The following NUP62CL variants were observed in gnomAD, a reference collection of about 807,000 sequenced individuals.
The protein encoded by NUP62CL is nucleoporin-62 C-terminal-like protein.
In NUP62CL, 13 loss-of-function variants were observed where a neutral mutation model predicts 15.3. The observed-to-expected ratio is 0.85, with a 90% confidence interval of 0.55 to 1.35. The LOEUF is 1.35. Ranked by LOEUF, NUP62CL falls within the 40% of genes most tolerant of loss-of-function variation. The pLI, the probability that NUP62CL is intolerant of heterozygous loss-of-function variation, is 0.00. For missense variants in NUP62CL, 123 were observed against 130.6 expected, an observed-to-expected ratio of 0.94 and a Z score of 0.28; for synonymous variants, 54 against 49.2, an observed-to-expected ratio of 1.10 and a Z score of -0.41.
At chrX:107,195,778 T>C (rs1445464701) in intron 1 of NUP62CL, among the ~76,000 whole-genome samples, 1 of 105,457 alleles carries the variant, frequency 9.5e-6, no homozygotes, top group African/African-American at 3.6e-5. Flanking sequence ...AATAAGAGCA[T>C]TTGCTGTGTT....
At chrX:107,129,161 C>CA (rs1925455163) in intron 8 of NUP62CL, among the ~76,000 whole-genome samples, 1 of 111,488 alleles carries the variant, frequency 9.0e-6, no homozygotes, top group East Asian at 2.8e-4. Context: ...AAGGAGACAA[C>CA]AAAAAAACTA....
chrX:107,147,320 C>T lies in NUP62CL; in HGVS notation c.*42+423G>A, dbSNP rs1167867610. ...ATGTTCAAAAGTTATCTGAACTGGG[C>T]GATTGTTATAAATTAGTTATGTAGG... On this transcript the variant is annotated intron_variant, in intron 8 of 8. Coordinates refer to ENST00000372466, the MANE Select transcript of NUP62CL (RefSeq NM_017681.3). 2.7e-5 allele frequency among the ~76,000 whole-genome samples: 3 copies of T among 111,046 alleles called. No homozygotes were observed. The East Asian group carries it at 8.5e-4, about 32-fold the overall frequency.
chrX:107,161,777 TAAA>T (rs1374608408), intron 4 of NUP62CL, among the ~76,000 whole-genome samples: 8 of 94,807 alleles, frequency 8.4e-5, no homozygotes, highest in African/African-American at 2.8e-4. Flanking sequence ...AAGTATAATT[TAAA>T]AAAAATAATA....
intron 1 of NUP62CL, among the ~76,000 whole-genome samples, chrX:107,197,931 T>C (rs1000023506): frequency 8.9e-6 from 1 of 112,392 alleles, no homozygotes; most frequent in African/African-American, 3.2e-5. Flanking sequence ...TCTTCACATA[T>C]ATTACCTTGT....
chrX:107,204,449 A>G (rs1927560376), intron 1 of NUP62CL, among the ~76,000 whole-genome samples: 1 of 111,249 alleles, frequency 9.0e-6, no homozygotes, highest in African/African-American at 3.3e-5. Flanking sequence ...ACCTGGGGAA[A>G]ACAGTTCTTA....
At chrX:107,157,869 G>A (rs1453454272) in intron 4 of NUP62CL, among the ~76,000 whole-genome samples, 3 of 110,698 alleles carry the variant, frequency 2.7e-5, no homozygotes, top group Non-Finnish European at 5.7e-5. Context: ...TCAGTGTGCT[G>A]TATTCAGGAG....
At chrX:107,176,020 A>G (rs1926773683) in intron 2 of NUP62CL, among the ~76,000 whole-genome samples, 1 of 111,529 alleles carries the variant, frequency 9.0e-6, no homozygotes, top group Non-Finnish European at 1.9e-5. Flanking sequence ...ACACCTGAAG[A>G]GGTAAGCAAG....
At chrX:107,189,868 A>AGG (rs752719530) in intron 2 of NUP62CL, among the ~76,000 whole-genome samples, 50 of 66,873 alleles carry the variant, frequency 7.5e-4, no homozygotes, top group African/African-American at 1.0e-3. Context: ...GAAGGAAGGA[A>AGG]AAAGAAAGAA....
At chrX:107,176,666 A>C (rs1926794010) in intron 2 of NUP62CL, among the ~76,000 whole-genome samples, 1 of 110,565 alleles carries the variant, frequency 9.0e-6, no homozygotes. Context: ...TACTTAAAAC[A>C]GTGAATTTTA....
chrX:107,142,539 C>T (rs1330989312), intron 8 of NUP62CL, among the ~76,000 whole-genome samples: 1 of 111,765 alleles, frequency 8.9e-6, no homozygotes, highest in Admixed American at 9.5e-5. Context: ...AAGTAAAATG[C>T]CATGAAAATA....
At chrX:107,154,956 C>A (rs1926140038) in intron 4 of NUP62CL, among the ~76,000 whole-genome samples, 1 of 111,976 alleles carries the variant, frequency 8.9e-6, no homozygotes, top group Non-Finnish European at 1.9e-5. Flanking sequence ...CAGAATGAGG[C>A]AGGGTTAGTC....
chrX:107,189,133 T>C (rs1927145122), intron 2 of NUP62CL, among the ~76,000 whole-genome samples: 1 of 111,625 alleles, frequency 9.0e-6, no homozygotes, highest in South Asian at 3.7e-4. Context: ...TCTACAAAAA[T>C]GGCTAAAATA....
At chrX:107,184,333 A>C (rs940642397) in intron 2 of NUP62CL, among the ~76,000 whole-genome samples, 5 of 107,512 alleles carry the variant, frequency 4.7e-5, no homozygotes, top group Non-Finnish European at 7.7e-5. Context: ...GAAAGAAAGA[A>C]AGAAAGAAAG....
intron 8 of NUP62CL, among the ~76,000 whole-genome samples, chrX:107,133,403 C>T (rs1315700081): frequency 1.8e-5 from 2 of 111,012 alleles, no homozygotes; most frequent in Admixed American, 9.5e-5. Context: ...AGCATGACCG[C>T]GGCTTACTAC....
intron 8 of NUP62CL, among the ~76,000 whole-genome samples, chrX:107,143,780 G>C (rs1209184772): frequency 9.0e-6 from 1 of 111,058 alleles, no homozygotes; most frequent in Non-Finnish European, 1.9e-5. Context: ...GAAATAAATG[G>C]ATTCATTGAG....
chrX:107,163,399 A>AC (rs754848707), intron 4 of NUP62CL, among the ~76,000 whole-genome samples: 5 of 110,959 alleles, frequency 4.5e-5, no homozygotes, highest in East Asian at 2.8e-4. Context: ...ACAAGATGAA[A>AC]CCCCCCCAAA....
At chrX:107,158,641 G>C (rs1926276036) in intron 4 of NUP62CL, among the ~76,000 whole-genome samples, 1 of 65,562 alleles carries the variant, frequency 1.5e-5, no homozygotes, top group Non-Finnish European at 2.5e-5. Context: ...TGTGTAGAGG[G>C]AAATTTATAG....
intron 1 of NUP62CL, among the ~76,000 whole-genome samples, chrX:107,195,387 A>G (rs1446850681): frequency 2.7e-5 from 3 of 111,631 alleles, no homozygotes; most frequent in Admixed American, 1.9e-4. Context: ...TTTTCACTTC[A>G]GTCATCCATT....
chrX:107,188,772 G>C (rs1475860103), intron 2 of NUP62CL, among the ~76,000 whole-genome samples: 1 of 111,043 alleles, frequency 9.0e-6, no homozygotes, highest in African/African-American at 3.3e-5. Flanking sequence ...AATGTTTCAG[G>C]ATACAAGATA....
Sources: allele counts gnomAD v4.1 joint callset (sites outside exome capture counted in the v4.1 genomes callset), GRCh38; gene constraint gnomAD v4.1.1; transcripts MANE v1.5; gene names NCBI Gene and HGNC (gene_info 2026-07-23, HGNC 2026-07-21).